B4GALNT4: variants seen among roughly 807,000 people sequenced by gnomAD.
The protein encoded by B4GALNT4 is beta-1,4-N-acetyl-galactosaminyltransferase 4.
B4GALNT4 carries 77 observed loss-of-function variants against 110.0 expected under a neutral mutation model. The ratio of observed to expected loss-of-function variants is 0.70; its 90% confidence interval spans 0.58 to 0.85. The LOEUF is 0.85. Ranked by LOEUF, B4GALNT4 falls within the 40% of genes least tolerant of loss-of-function variation. The pLI, the probability that B4GALNT4 is intolerant of heterozygous loss-of-function variation, is 0.00. For missense variants in B4GALNT4, 1,575 were observed against 1,506.0 expected, an observed-to-expected ratio of 1.05 and a Z score of -0.76; for synonymous variants, 785 against 655.5, an observed-to-expected ratio of 1.20 and a Z score of -3.02.
Position 375,513 on chromosome 11 carries a change from T to A in B4GALNT4, c.836T>A (p.Ile279Asn), listed in dbSNP as rs1404405283. 1 of 1,611,390 alleles carries A rather than the reference T, an allele frequency of 6.2e-7. No individual in the cohort carries two copies. The highest frequency in any genetic ancestry group is 1.7e-5 in the Admixed American group (1 of 60,004). Residue 279 changes from isoleucine to asparagine, a missense_variant, in exon 9 of 20, where the codon ATC (isoleucine) becomes AAC (asparagine). By Grantham distance (149) the Ile-to-Asn change is moderately radical (BLOSUM62 -3). Coordinates refer to ENST00000329962, the MANE Select transcript of B4GALNT4 (RefSeq NM_178537.5). ...LKFEVISSAH[I>N]SLYTDESALK... is the part of the protein sequence containing the mutation. ...TTCGAGGTCATCAGCTCTGCTCACA[T>A]CTCCCTGTACACAGGTGCGAGCGGA... is the stretch of plus-strand genomic sequence containing the variant.
rs372934923 is a variant in B4GALNT4 at position 375,635 on chromosome 11, C to T, written c.851-4C>T. The stretch of plus-strand genomic sequence containing the variant: ...AGCACTCCCTGGAACTCTTCTGCCC[C>T]CAGATGAGTCAGCCTTGAAGATGGA... On this transcript the variant is annotated splice_region_variant and splice_polypyrimidine_tract_variant and intron_variant, in intron 9 of 19. Transcript: ENST00000329962. 2 of 1,591,436 alleles carry T rather than the reference C, an allele frequency of 1.3e-6. No individual in the cohort carries two copies. The highest frequency in any genetic ancestry group is 2.7e-5 in the African/African-American group (2 of 74,718).
intron 15 of B4GALNT4, 49 bp downstream of exon 15, chr11:379,750 T>C: frequency 1.3e-6 from 2 of 1,502,970 alleles, no homozygotes; most frequent in Non-Finnish European, 1.8e-6. Context: ...GGAAGGAACA[T>C]GGACCCTAAT....
In B4GALNT4 at chr11:380,152, G is replaced by C; in HGVS notation, c.2665G>C (p.Gly889Arg). 2 of 1,603,966 alleles carry C rather than the reference G, an allele frequency of 1.2e-6. No homozygotes were observed. The highest frequency in any genetic ancestry group is 1.7e-6 in the Non-Finnish European group (2 of 1,173,108). Residue 889 changes from glycine to arginine, a missense_variant, in exon 17 of 20, where the codon GGG becomes CGG. Gly to Arg is a moderately radical substitution (Grantham distance 125, BLOSUM62 -2). Transcript: ENST00000329962. ...LPRYQYLRRT[G>R]NFERSAGLQA... ...CAGGTACCAGTACCTGAGACGAACC[G>C]GGAACTTCGAGCGCTCCGCCGGGCT...
intron 1 of B4GALNT4, among the ~76,000 whole-genome samples, chr11:370,516 G>C (rs1846598682): frequency 6.6e-6 from 1 of 152,164 alleles, no homozygotes; most frequent in Non-Finnish European, 1.5e-5. Context: ...CCCAGCTTGG[G>C]GAGCCTGGCG....
rs765380591 is a variant in B4GALNT4, at chr11:375,474, T to A, written c.797T>A (p.Leu266Gln). 1 of 1,611,762 alleles carries A rather than the reference T, an allele frequency of 6.2e-7. No homozygotes were observed. The highest frequency in any genetic ancestry group is 1.3e-5 in the African/African-American group (1 of 74,862). The stretch of plus-strand genomic sequence containing the variant: ...TCTGCCCCGCAGTGGCGAGCTTTCC[T>A]GCCCGGCCTGAAGTTCGAGGTCATC... The part of the protein sequence containing the change: ...DHVEVGWRAF[L>Q]PGLKFEVISS... Residue 266 changes from leucine (L) to glutamine (Q), a missense_variant, in exon 9 of 20, where the codon CTG (leucine) becomes CAG (glutamine). Leu to Gln is a moderately radical substitution (Grantham distance 113). Transcript: ENST00000329962.
Position 381,893 on chromosome 11 carries a change from G to A in B4GALNT4, c.*101G>A. On this transcript the variant is annotated 3_prime_UTR_variant, in exon 20 of 20. Coordinates refer to ENST00000329962, the MANE Select transcript of B4GALNT4 (RefSeq NM_178537.5). ...AGAGACCCGGCAGGGCTGGTCAGAG[G>A]GGCACAGCCACCGCCTGTGCCTGCC... 1.5e-6 allele frequency: 2 copies of A among 1,336,582 alleles called. No homozygotes were observed. The highest frequency in any genetic ancestry group is 2.0e-6 in the Non-Finnish European group (2 of 1,023,464). 82.8% of individuals were successfully genotyped at this position (1,336,582 alleles called of 1,614,324 possible). A position where few individuals can be genotyped will look rare whatever the true frequency, so the allele number is the denominator to read the frequency against.
At position 372,844 on chromosome 11, in the gene B4GALNT4, A is replaced by T. The variant is rs1393672703; in HGVS notation, c.349-8A>T. On this transcript the variant is annotated splice_polypyrimidine_tract_variant and splice_region_variant and intron_variant, in intron 3 of 19. Coordinates refer to ENST00000329962, the MANE Select transcript of B4GALNT4 (RefSeq NM_178537.5). The stretch of plus-strand genomic sequence containing the variant: ...GCCGTGCAGAAGGTAAGGCCCCCCC[A>T]TCCCCAGTACAAGGGGCAGGTGAAC... The T allele has an allele frequency of 6.2e-7, 1 of 1,607,200 alleles. No homozygotes were observed. Among genetic ancestry groups the T allele is most frequent in the Non-Finnish European group, 8.5e-7 (1 of 1,178,138 alleles).
intron 14 of B4GALNT4, among the ~76,000 whole-genome samples, chr11:378,149 G>A (rs746584687): frequency 2.6e-5 from 4 of 151,946 alleles, no homozygotes; most frequent in African/African-American, 9.7e-5. Context: ...GGAAGGTTGC[G>A]AGCAGAGCAA....
At chr11:370,140 G>T (rs1846591360) in intron 1 of B4GALNT4, among the ~76,000 whole-genome samples, 186 bp downstream of exon 1, 1 of 150,902 alleles carries the variant, frequency 6.6e-6, no homozygotes. Context: ...GCTGTTCTCC[G>T]CTCTGCGATT....
rs530574034 is a variant in B4GALNT4, at chr11:370,971, G to C, written c.151+1017G>C. Among the ~76,000 whole-genome samples the C allele has an allele frequency of 2.0e-5, 3 of 152,214 alleles. No homozygotes were observed. In the South Asian group the frequency reaches 6.2e-4, roughly 32 times the overall value. ...ACACCCTCAAGAGACCCCCGATACT[G>C]CTGAATCCCTAAAAAGCCCCACCCC... On this transcript the variant is annotated intron_variant, in intron 1 of 19. Transcript: ENST00000329962.
At chr11:379,803 G>A in intron 15 of B4GALNT4, 63 bp from the exon 16 acceptor site, 33 of 1,526,686 alleles carry the variant, frequency 2.2e-5, no homozygotes, top group Non-Finnish European at 2.9e-5. Context: ...GTTCTTCGGA[G>A]CTGGGAGGCC....
At chr11:371,524 A>G (rs2119635704) in intron 1 of B4GALNT4, among the ~76,000 whole-genome samples, 1 of 152,214 alleles carries the variant, frequency 6.6e-6, no homozygotes, top group African/African-American at 2.4e-5. Context: ...TGGTCCTCCT[A>G]CCCAAGGACA....
intron 11 of B4GALNT4, 41 bp downstream of exon 11, chr11:375,997 G>A (rs751687760): frequency 7.5e-6 from 12 of 1,605,202 alleles, no homozygotes; most frequent in Admixed American, 5.1e-5. Flanking sequence ...CCGGGACTCC[G>A]CGGAGCCTTC....
At position 376,955 on chromosome 11, in the gene B4GALNT4, C is replaced by T. The variant is rs1214882729; in HGVS notation, c.1832C>T (p.Ala611Val). The change falls in exon 14 of 20, where the codon GCG becomes GTG. Residue 611 changes from alanine to valine, a missense_variant. Ala to Val is a moderately conservative substitution (Grantham distance 64). Transcript: ENST00000329962. ...EGQARTLGPA[A>V]PTVDSNLSSE... ...CAGGCGCGCACGCTGGGACCTGCGG[C>T]GCCCACAGTGGACTCAAACTTGTCC... 2 of 1,448,140 alleles carry T rather than the reference C, an allele frequency of 1.4e-6. No homozygotes were observed. Among genetic ancestry groups the T allele is most frequent in the South Asian group, 1.4e-5 (1 of 69,306 alleles). 89.7% of individuals were successfully genotyped at this position (1,448,140 alleles called of 1,614,324 possible).
intron 8 of B4GALNT4, among the ~76,000 whole-genome samples, chr11:374,186 G>A (rs1354753016): frequency 6.6e-6 from 1 of 152,110 alleles, no homozygotes; most frequent in Non-Finnish European, 1.5e-5. Context: ...AGATCAGGCG[G>A]GGCCTGAGCA....
In B4GALNT4 at chr11:376,296, T is replaced by C. The variant is rs757561828; in HGVS notation, c.1242T>C (p.Asp414=). The change falls in exon 13 of 20, where the codon GAT becomes GAC. Residue 414 remains aspartate, a synonymous_variant. Coordinates refer to ENST00000329962, the MANE Select transcript of B4GALNT4 (RefSeq NM_178537.5). The part of the protein sequence containing the change: ...KYMKMDKEEG[D]EDEEDEVQRR... ...TGAAGATGGACAAGGAGGAGGGGGA[T>C]GAGGATGAAGAAGACGAGGTGCAGC... is the stretch of plus-strand genomic sequence containing the variant. 2 of 1,610,182 alleles carry C rather than the reference T, an allele frequency of 1.2e-6. No homozygotes were observed. Among genetic ancestry groups the C allele is most frequent in the African/African-American group, 2.7e-5 (2 of 74,774 alleles).
Position 372,170 on chromosome 11 carries a change from G to C in B4GALNT4, c.213G>C (p.Gln71His). ...GGGTCCACGCTGCGCCATCCACACA[G>C]AGGGCTGAGGACTCCAGTGAGAGCC... ...GRGVHAAPSTQRAEDSSESRE... is the reference protein window; with the variant it reads ...GRGVHAAPSTHRAEDSSESRE... The change falls in exon 2 of 20, where the codon CAG (glutamine) becomes CAC (histidine). Residue 71 changes from glutamine (Q) to histidine (H), a missense_variant. Gln to His is a conservative substitution (Grantham distance 24). Coordinates refer to ENST00000329962, the MANE Select transcript of B4GALNT4 (RefSeq NM_178537.5). The C allele has an allele frequency of 1.9e-6, 3 of 1,550,192 alleles. No individual in the cohort carries two copies. The highest frequency in any genetic ancestry group is 2.6e-6 in the Non-Finnish European group (3 of 1,146,856).
chr11:370,455 G>T (rs551730832), intron 1 of B4GALNT4, among the ~76,000 whole-genome samples: 1 of 152,058 alleles, frequency 6.6e-6, no homozygotes, highest in South Asian at 2.1e-4. Flanking sequence ...CGGCGGGGGC[G>T]CCTTCGGTGA....
rs1846880966 is a variant in B4GALNT4 at position 381,744 on chromosome 11, C to A, written c.3072C>A (p.Gly1024=). The change falls in exon 20 of 20, where the codon GGC becomes GGA. Residue 1024 remains glycine, a synonymous_variant. Coordinates refer to ENST00000329962, the MANE Select transcript of B4GALNT4 (RefSeq NM_178537.5). ...NFYHHYHSKR[G]MWSVRSRKGS... ...ATCACCACTACCACTCCAAGAGGGG[C>A]ATGTGGAGCGTCCGCAGCAGGAAGG... The A allele has an allele frequency of 3.1e-6, 5 of 1,590,084 alleles. No individual in the cohort carries two copies. In the East Asian group the frequency reaches 1.2e-4, roughly 37 times the overall value.
Sources: gnomAD v4.1 joint callset for allele counts (sites outside exome capture counted in the v4.1 genomes callset) on GRCh38, gnomAD v4.1.1 for gene constraint, MANE v1.5 for transcripts, NCBI Gene and HGNC (gene_info 2026-07-23, HGNC 2026-07-21) for gene names.